THUMPD3: variants seen among roughly 807,000 people sequenced by gnomAD.
THUMPD3 encodes the protein THUMP domain 3 tRNA guanosine methyltransferase.
A neutral mutation model predicts 54.5 loss-of-function variants in THUMPD3; 44 were observed. That is an observed-to-expected ratio of 0.81 (90% CI 0.63 to 1.04). The LOEUF (loss-of-function observed/expected upper bound fraction) is 1.04, where lower values mean the gene tolerates loss of function less well. Ranked by LOEUF, THUMPD3 falls within the 50% of genes least tolerant of loss-of-function variation. THUMPD3 has a pLI of 0.00. For synonymous variants in THUMPD3, 196 were observed against 201.4 expected (o/e 0.97, Z 0.23); for missense variants, 604 against 601.3 (o/e 1.00, Z -0.05).
In THUMPD3 at chr3:9,380,671, T is replaced by C. The variant is rs1262393737; in HGVS notation, c.1124+53T>C. 2.3e-6 allele frequency: 3 copies of C among 1,330,002 alleles called. No homozygotes were observed. The Admixed American group carries it at 5.3e-5, about 24-fold the overall frequency. The allele number at this position is 1,330,002 out of a possible 1,614,324, so 82.4% of individuals were successfully genotyped here. ...CTTTTAGAGTTAGAGAATCACTTTT[T>C]ATATTGACTTTATGAATTAAAACTC... On this transcript the variant is annotated intron_variant, in intron 7 of 9. Coordinates refer to ENST00000452837, the MANE Select transcript of THUMPD3 (RefSeq NM_001114092.2).
intron 7 of THUMPD3, among the ~76,000 whole-genome samples, chr3:9,382,048 G>T (rs2032962846): frequency 6.6e-6 from 1 of 151,910 alleles, no homozygotes; most frequent in Non-Finnish European, 1.5e-5. Flanking sequence ...CTCCCAAAGT[G>T]CTGGGATTAC....
At chr3:9,373,927 T>G (rs2032253427) in intron 4 of THUMPD3, among the ~76,000 whole-genome samples, 1 of 152,232 alleles carries the variant, frequency 6.6e-6, no homozygotes, top group Non-Finnish European at 1.5e-5. Flanking sequence ...AACTTTTTTG[T>G]TGAGATACAC....
intron 4 of THUMPD3, among the ~76,000 whole-genome samples, chr3:9,373,378 C>A (rs1286090939): frequency 1.3e-5 from 2 of 152,018 alleles, no homozygotes; most frequent in Non-Finnish European, 2.9e-5. Context: ...CACCTATAGT[C>A]CCAGGTACTT....
chr3:9,383,518 T>C (rs1421876454), intron 8 of THUMPD3, among the ~76,000 whole-genome samples: 1 of 152,188 alleles, frequency 6.6e-6, no homozygotes, highest in Non-Finnish European at 1.5e-5. Context: ...GGGAGGTTCA[T>C]TTTTAAATTA....
intron 3 of THUMPD3, among the ~76,000 whole-genome samples, chr3:9,368,552 G>A (rs566243763): frequency 2.6e-5 from 4 of 151,884 alleles, no homozygotes; most frequent in African/African-American, 7.3e-5. Context: ...TAGTAGAGAC[G>A]GGGTTTCAGC....
At chr3:9,375,951 G>A (rs1028360329) in intron 5 of THUMPD3, among the ~76,000 whole-genome samples, 1 of 152,186 alleles carries the variant, frequency 6.6e-6, no homozygotes, top group Admixed American at 6.5e-5. Flanking sequence ...TGCAGTACAC[G>A]ACTGTATTCC....
intron 5 of THUMPD3, among the ~76,000 whole-genome samples, chr3:9,376,334 T>C (rs948291387): frequency 6.6e-6 from 1 of 152,222 alleles, no homozygotes; most frequent in African/African-American, 2.4e-5. Context: ...TTAGAGCCTG[T>C]GGACTCTTGT....
Position 9,384,695 on chromosome 3 carries a change from C to T in THUMPD3, c.*7C>T. ...TTGGCAATGCAAAGAATGAAGATGA[C>T]TAATAGTACTTGTACTTCCCACCAC... On this transcript the variant is annotated 3_prime_UTR_variant, in exon 10 of 10. Coordinates refer to ENST00000452837, the MANE Select transcript of THUMPD3 (RefSeq NM_001114092.2). 1 of 1,613,956 alleles carries T rather than the reference C, an allele frequency of 6.2e-7. No homozygotes were observed. Among genetic ancestry groups the T allele is most frequent in the Non-Finnish European group, 8.5e-7 (1 of 1,179,924 alleles).
chr3:9,379,170 T>C (rs2125327714), intron 6 of THUMPD3, among the ~76,000 whole-genome samples: 1 of 150,358 alleles, frequency 6.7e-6, no homozygotes, highest in African/African-American at 2.4e-5. Context: ...TGTTATGCTA[T>C]AAAACCCAAT....
chr3:9,381,756 C>A (rs1427743200), intron 7 of THUMPD3, among the ~76,000 whole-genome samples: 1 of 44,324 alleles, frequency 2.3e-5, no homozygotes, highest in Non-Finnish European at 4.0e-5. Context: ...TCAACCCGTA[C>A]TTTTTTTTTT....
intron 1 of THUMPD3, chr3:9,363,538 CAATTAAGT>C (rs1466132047): frequency 1.3e-5 from 2 of 152,102 alleles, no homozygotes; most frequent in Non-Finnish European, 2.9e-5. Flanking sequence ...ATTCTGTACT[CAATTAAGT>C]TATTTTGAGT....
chr3:9,383,454 T>A (rs1319396303), intron 8 of THUMPD3, 145 bp downstream of exon 8: 2 of 600,714 alleles, frequency 3.3e-6, no homozygotes, highest in South Asian at 1.9e-5. Context: ...ACCCATTATG[T>A]TTCTTCCGAG....
At chr3:9,379,901 G>C (rs2125328834) in intron 6 of THUMPD3, among the ~76,000 whole-genome samples, 1 of 152,152 alleles carries the variant, frequency 6.6e-6, no homozygotes, top group South Asian at 2.1e-4. Flanking sequence ...ATGTTCCCAG[G>C]CTGGTCTCAA....
At chr3:9,381,216 G>C (rs1412058850) in intron 7 of THUMPD3, among the ~76,000 whole-genome samples, 1 of 152,180 alleles carries the variant, frequency 6.6e-6, no homozygotes, top group Non-Finnish European at 1.5e-5. Flanking sequence ...TTAGAGACGA[G>C]TCACCACACC....
intron 5 of THUMPD3, among the ~76,000 whole-genome samples, chr3:9,376,447 G>A (rs1426137774): frequency 6.6e-6 from 1 of 152,154 alleles, no homozygotes; most frequent in Non-Finnish European, 1.5e-5. Flanking sequence ...CCAAATTCCT[G>A]GAAGAGAGGA....
intron 1 of THUMPD3, chr3:9,364,187 G>A (rs1054625995): frequency 6.6e-6 from 1 of 151,886 alleles, no homozygotes; most frequent in Non-Finnish European, 1.5e-5. Flanking sequence ...ACGACTCTAG[G>A]AAAGAGGTAT....
At chr3:9,380,323 G>A (rs2032781226) in intron 6 of THUMPD3, among the ~76,000 whole-genome samples, 180 bp from the exon 7 acceptor site, 1 of 152,122 alleles carries the variant, frequency 6.6e-6, no homozygotes. Context: ...TAAGAGATGG[G>A]TAGAGGTTCA....
chr3:9,370,004 C>T (rs114559188), intron 3 of THUMPD3, among the ~76,000 whole-genome samples: 2,612 of 152,258 alleles, frequency 0.017, 75 homozygotes, highest in African/African-American at 0.06. Context: ...CATATATACA[C>T]GGTATTTTTT....
intron 3 of THUMPD3, 30 bp from the exon 4 acceptor site, chr3:9,371,030 T>G: frequency 6.8e-7 from 1 of 1,470,492 alleles, no homozygotes; most frequent in Non-Finnish European, 9.2e-7. Context: ...TGGTGAGAAA[T>G]GAATGAATTT....
Sources: gnomAD v4.1 joint callset for allele counts (sites outside exome capture counted in the v4.1 genomes callset) on GRCh38, gnomAD v4.1.1 for gene constraint, MANE v1.5 for transcripts, NCBI Gene and HGNC (gene_info 2026-07-23, HGNC 2026-07-21) for gene names.